The following C3orf20 variants were observed in gnomAD, a reference collection of about 807,000 sequenced individuals.
C3orf20 encodes family with sequence similarity 149 member C, also known as uncharacterized protein C3orf20.
A neutral mutation model predicts 88.3 loss-of-function variants in C3orf20; 76 were observed. The ratio of observed to expected loss-of-function variants is 0.86; its 90% CI spans 0.72 to 1.04. The LOEUF (loss-of-function observed/expected upper bound fraction) is 1.04, where lower values mean the gene tolerates loss of function less well. Ranked by LOEUF, C3orf20 falls within the 50% of genes least tolerant of loss-of-function variation. The pLI is 0.00. For missense variants in C3orf20, 1,056 were observed against 1,123.3 expected (o/e 0.94, Z 0.86); for synonymous variants, 436 against 437.4 (o/e 1.00, Z 0.04).
rs75340278 is a variant in C3orf20 at position 14,756,300 on chromosome 3, G to A, written c.1941-1071G>A. Among the ~76,000 whole-genome samples the A allele has an allele frequency of 1.8e-3, 277 of 151,724 alleles. 1 individual carries two copies. Among genetic ancestry groups the A allele is most frequent in the African/African-American group, 6.5e-3 (271 of 41,408 alleles). On this transcript the variant is annotated intron_variant, in intron 12 of 16. Coordinates refer to ENST00000253697, the MANE Select transcript of C3orf20 (RefSeq NM_032137.5). ...AATACCACAACCCTCACAACAACCC[G>A]GTACAGTGTTTGGCACATAGTAGGG... is the stretch of plus-strand genomic sequence containing the variant.
At chr3:14,734,073 G>A (rs1007153432) in intron 12 of C3orf20, among the ~76,000 whole-genome samples, 6 of 152,124 alleles carry the variant, frequency 3.9e-5, no homozygotes, top group Non-Finnish European at 8.8e-5. Flanking sequence ...CAATACTAGT[G>A]TTAATTATTT....
At chr3:14,760,070 C>A in intron 14 of C3orf20, 72 bp downstream of exon 14, 1 of 1,120,858 alleles carries the variant, frequency 8.9e-7, no homozygotes, top group Non-Finnish European at 1.4e-6. Context: ...TGCAGAATCA[C>A]ACATGTGGGA....
At chr3:14,683,554 G>A (rs2032226851) in intron 3 of C3orf20, among the ~76,000 whole-genome samples, 2 of 152,098 alleles carry the variant, frequency 1.3e-5, no homozygotes, top group Non-Finnish European at 2.9e-5. Flanking sequence ...ACAGAGCCCA[G>A]TAGAGCCAGA....
rs182811167 is a variant in C3orf20, at chr3:14,747,536, A to G, written c.1941-9835A>G. 5.2e-3 allele frequency among the ~76,000 whole-genome samples: 789 copies of G among 152,342 alleles called. 10 individuals are homozygous for G. Among genetic ancestry groups the G allele is most frequent in the African/African-American group, 0.018 (736 of 41,580 alleles). The stretch of plus-strand genomic sequence containing the variant: ...AAGAACCAAGACAAATTTAGGATCC[A>G]GTCTAGTCTACAGATAGAAAACAAA... On this transcript the variant is annotated intron_variant, in intron 12 of 16. Transcript: ENST00000253697.
chr3:14,729,652 T>C (rs887828876), intron 12 of C3orf20, among the ~76,000 whole-genome samples: 4 of 152,186 alleles, frequency 2.6e-5, no homozygotes, highest in African/African-American at 9.7e-5. Context: ...GTTCAAGCGA[T>C]TCTCCTGCCT....
chr3:14,717,879 G>T (rs530404069), intron 9 of C3orf20, among the ~76,000 whole-genome samples: 1 of 152,204 alleles, frequency 6.6e-6, no homozygotes, highest in South Asian at 2.1e-4. Flanking sequence ...GCATTTTAAA[G>T]ATGTTGTTCT....
rs1448514904 is a variant in C3orf20, at chr3:14,726,799, T to TA, written c.1567-101dup. ...CAGGTAGGGGTAGGGGGGCAGGCAA[T>TA]AGCACATCCTCTGAACCGGAGCAAG... is the stretch of plus-strand genomic sequence containing the variant. On this transcript the variant is annotated intron_variant, in intron 10 of 16. Transcript: ENST00000253697. The TA allele has an allele frequency of 2.6e-6, 4 of 1,529,430 alleles. No individual in the cohort carries two copies. In the East Asian group the frequency reaches 9.0e-5, roughly 35 times the overall value. The allele number at this position is 1,529,430 out of a possible 1,614,324, so 94.7% of individuals were successfully genotyped here.
intron 7 of C3orf20, among the ~76,000 whole-genome samples, chr3:14,709,668 A>G (rs1256639424): frequency 6.6e-6 from 1 of 152,114 alleles, no homozygotes; most frequent in South Asian, 2.1e-4. Context: ...ACTATGGTAC[A>G]TTACATTGAT....
chr3:14,714,318 G>A (rs1291636270), intron 8 of C3orf20, among the ~76,000 whole-genome samples, 159 bp downstream of exon 8: 1 of 152,044 alleles, frequency 6.6e-6, no homozygotes, highest in Non-Finnish European at 1.5e-5. Flanking sequence ...GTTTCTGCAG[G>A]GACATAGGAA....
At chr3:14,728,907 C>CT (rs1310986919) in intron 12 of C3orf20, among the ~76,000 whole-genome samples, 1 of 152,110 alleles carries the variant, frequency 6.6e-6, no homozygotes, top group Non-Finnish European at 1.5e-5. Flanking sequence ...CAGGGGTTGG[C>CT]TATGGACCAA....
rs766607035 is a variant in C3orf20, at chr3:14,757,405, T to G, written c.1975T>G (p.Trp659Gly). The change falls in exon 13 of 17, where the codon TGG becomes GGG. Residue 659 changes from tryptophan (W) to glycine (G), a missense_variant. Physicochemically the swap from Trp to Gly is radical, Grantham distance 184 (BLOSUM62 -2). Transcript: ENST00000253697. The part of the protein sequence containing the change: ...KAREGRSPTR[W>G]AALPSDCPLV... The stretch of plus-strand genomic sequence containing the variant: ...CCGCGAGGGGCGCAGCCCCACCAGG[T>G]GGGCGGCCTTGCCCTCAGACTGCCC... 38 of 1,611,660 alleles carry G rather than the reference T, an allele frequency of 2.4e-5. No individual in the cohort carries two copies. Among genetic ancestry groups the G allele is most frequent in the Non-Finnish European group, 2.6e-5 (31 of 1,179,816 alleles).
At chr3:14,730,675 A>C (rs1312998802) in intron 12 of C3orf20, among the ~76,000 whole-genome samples, 1 of 152,214 alleles carries the variant, frequency 6.6e-6, no homozygotes, top group Non-Finnish European at 1.5e-5. Flanking sequence ...CCAGGATGTG[A>C]AATTGCTGTC....
rs267599639 is a variant in C3orf20 at position 14,759,954 on chromosome 3, C to T, written c.2308C>T (p.Pro770Ser). ...GGACAGCCCCCTGCAGGAGGACCCT[C>T]CCCTGATGGTGAAGAAGAACTCTGT... ...DLDSPLQEDP[P>S]LMVKKNSVVQ... The change falls in exon 14 of 17, where the codon CCC (proline) becomes TCC (serine). Residue 770 changes from proline to serine, a missense_variant. By Grantham distance (74) the Pro-to-Ser change is moderately conservative (BLOSUM62 -1). Coordinates refer to ENST00000253697, the MANE Select transcript of C3orf20 (RefSeq NM_032137.5). 3.7e-6 allele frequency: 6 copies of T among 1,614,030 alleles called. No homozygotes were observed. In the African/African-American group the frequency reaches 8.0e-5, roughly 22 times the overall value.
chr3:14,731,716 C>T (rs2034545606), intron 12 of C3orf20, among the ~76,000 whole-genome samples: 1 of 152,192 alleles, frequency 6.6e-6, no homozygotes, highest in Non-Finnish European at 1.5e-5. Context: ...AGGTATTCAG[C>T]ATAAATCACA....
At chr3:14,757,993 AT>A (rs976965911) in intron 13 of C3orf20, among the ~76,000 whole-genome samples, 2 of 152,136 alleles carry the variant, frequency 1.3e-5, no homozygotes, top group Non-Finnish European at 2.9e-5. Flanking sequence ...TGGTGTGAAT[AT>A]TTAGAGCACG....
At chr3:14,689,432 T>C (rs2032603055) in intron 4 of C3orf20, among the ~76,000 whole-genome samples, 1 of 152,142 alleles carries the variant, frequency 6.6e-6, no homozygotes, top group African/African-American at 2.4e-5. Context: ...TGACTATATT[T>C]GGGGGAAGAA....
At chr3:14,696,269 C>G (rs933440512) in intron 5 of C3orf20, among the ~76,000 whole-genome samples, 7 of 151,454 alleles carry the variant, frequency 4.6e-5, no homozygotes, top group African/African-American at 1.7e-4. Context: ...AAAGAGAAAA[C>G]TAATAAAACT....
At chr3:14,761,680 T>C (rs1178788009) in intron 15 of C3orf20, 65 bp downstream of exon 15, 2 of 1,580,118 alleles carry the variant, frequency 1.3e-6, no homozygotes, top group South Asian at 1.1e-5. Flanking sequence ...GAAAGGAGAC[T>C]TGGGCTGTGA....
chr3:14,755,841 A>C (rs2035346522), intron 12 of C3orf20, among the ~76,000 whole-genome samples: 1 of 152,030 alleles, frequency 6.6e-6, no homozygotes, highest in Admixed American at 6.5e-5. Flanking sequence ...CATCCTGGCT[A>C]ACACGGTGAA....
Sources: allele counts gnomAD v4.1 joint callset (sites outside exome capture counted in the v4.1 genomes callset), GRCh38; gene constraint gnomAD v4.1.1; transcripts MANE v1.5; gene names NCBI Gene and HGNC (gene_info 2026-07-23, HGNC 2026-07-21).